MDGA2: variants seen among roughly 807,000 people sequenced by gnomAD.
MDGA2 encodes the protein MAM domain containing glycosylphosphatidylinositol anchor 2, also known as MAM domain-containing glycosylphosphatidylinositol anchor protein 2.
MDGA2 carries 40 observed loss-of-function variants against 117.8 expected under a neutral mutation model. The ratio of observed to expected loss-of-function variants is 0.34; its 90% confidence interval spans 0.26 to 0.44. The LOEUF (loss-of-function observed/expected upper bound fraction) is 0.44, where lower values mean the gene tolerates loss of function less well. Ranked by LOEUF, MDGA2 falls within the 20% of genes least tolerant of loss-of-function variation. The pLI, the probability that MDGA2 is intolerant of heterozygous loss-of-function variation, is 1.00. For synonymous variants in MDGA2, 452 were observed against 439.0 expected, an observed-to-expected ratio of 1.03 and a Z score of -0.37; for missense variants, 1,123 against 1,250.6, an observed-to-expected ratio of 0.90 and a Z score of 1.54.
At chr14:47,374,993 T>A (rs1416731554) in intron 1 of MDGA2, among the ~76,000 whole-genome samples, 1 of 152,074 alleles carries the variant, frequency 6.6e-6, no homozygotes, top group Non-Finnish European at 1.5e-5. Flanking sequence ...AGAGCTTTAA[T>A]TTTGAAGTCA....
At chr14:47,566,434 T>TAAAGCTAGAGTATCCCAGGGGAGC (rs1895920671) in intron 1 of MDGA2, among the ~76,000 whole-genome samples, 2 of 152,162 alleles carry the variant, frequency 1.3e-5, no homozygotes, top group African/African-American at 4.8e-5. Context: ...ACAGTTCACT[T>TAAAGCTAGAGTATCCCAGGGGAGC]AAAGCTAGAG....
rs149690656 is a variant in MDGA2 at position 47,142,850 on chromosome 14, G to A, written c.792+1228C>T. Among the ~76,000 whole-genome samples, 928 of 152,250 alleles carry A rather than the reference G, an allele frequency of 6.1e-3. 7 individuals are homozygous for A. The highest frequency in any genetic ancestry group is 0.01 in the Non-Finnish European group (704 of 68,018). ...TATGGTGAACTGACTAGTAATACAT[G>A]TGCGATGCTGATTTCCAGAGATTTA... On this transcript the variant is annotated intron_variant, in intron 4 of 16. Transcript: ENST00000399232.
At chr14:47,121,668 A>T (rs1294069321) in intron 5 of MDGA2, among the ~76,000 whole-genome samples, 1 of 152,058 alleles carries the variant, frequency 6.6e-6, no homozygotes, top group Non-Finnish European at 1.5e-5. Flanking sequence ...AGTTACTATA[A>T]ACATATGATT....
At chr14:46,860,441 T>A (rs1258127249) in intron 14 of MDGA2, among the ~76,000 whole-genome samples, 1 of 152,060 alleles carries the variant, frequency 6.6e-6, no homozygotes, top group Non-Finnish European at 1.5e-5. Context: ...GACTTTTTTT[T>A]ATAAGGCTGA....
chr14:47,444,606 G>A (rs1893083417), intron 1 of MDGA2: 1 of 152,120 alleles, frequency 6.6e-6, no homozygotes, highest in African/African-American at 2.4e-5. Flanking sequence ...GCCTGCTAAG[G>A]AGTAAAACTT....
chr14:46,937,330 G>C (rs1412048772), intron 9 of MDGA2, among the ~76,000 whole-genome samples: 1 of 145,782 alleles, frequency 6.9e-6, no homozygotes, highest in East Asian at 2.0e-4. Flanking sequence ...GAAGTGGAAA[G>C]ACATCCCATG....
At chr14:47,222,542 G>A (rs950141843) in intron 2 of MDGA2, among the ~76,000 whole-genome samples, 21 of 152,008 alleles carry the variant, frequency 1.4e-4, no homozygotes, top group African/African-American at 5.1e-4. Context: ...TCTTGATAGT[G>A]CAACTTTTTA....
intron 8 of MDGA2, chr14:46,996,915 A>G: frequency 8.1e-6 from 3 of 369,456 alleles, no homozygotes; most frequent in South Asian, 5.1e-5. Flanking sequence ...AGCAAGGGAG[A>G]GCACCTAGCA....
chr14:47,634,025 A>G (rs1897282579), intron 1 of MDGA2, among the ~76,000 whole-genome samples: 1 of 152,176 alleles, frequency 6.6e-6, no homozygotes, highest in African/African-American at 2.4e-5. Context: ...CAGTAAGTGG[A>G]TCCTTTAAGA....
Position 47,585,197 on chromosome 14 carries a change from T to C in MDGA2, c.280+89320A>G, listed in dbSNP as rs114364704. On this transcript the variant is annotated intron_variant, in intron 1 of 16. Coordinates refer to ENST00000399232, the MANE Select transcript of MDGA2 (RefSeq NM_001113498.3). ...AATGAAAATATATTGAGTGACTATT[T>C]GAAAGACAGTATAGAGGTCCTGTAG... Among the ~76,000 whole-genome samples the C allele has an allele frequency of 8.0e-3, 1,214 of 152,016 alleles. 17 individuals carry two copies. Among genetic ancestry groups the C allele is most frequent in the African/African-American group, 0.028 (1,176 of 41,508 alleles).
At chr14:47,446,930 C>G (rs1393519176) in intron 1 of MDGA2, among the ~76,000 whole-genome samples, 1 of 152,136 alleles carries the variant, frequency 6.6e-6, no homozygotes, top group African/African-American at 2.4e-5. Flanking sequence ...TATTCACATA[C>G]TATGAATGAA....
At chr14:47,420,701 C>A (rs1369069652) in intron 1 of MDGA2, among the ~76,000 whole-genome samples, 1 of 151,950 alleles carries the variant, frequency 6.6e-6, no homozygotes, top group Admixed American at 6.6e-5. Flanking sequence ...GTATTACAGA[C>A]CTTGACTGGT....
intron 6 of MDGA2, among the ~76,000 whole-genome samples, chr14:47,069,860 TA>T (rs2138831972): frequency 6.6e-6 from 1 of 152,356 alleles, no homozygotes; most frequent in East Asian, 1.9e-4. Context: ...ACTGAATGAC[TA>T]AATGAGAAAT....
chr14:47,516,662 G>A (rs1894757932), intron 1 of MDGA2, among the ~76,000 whole-genome samples: 1 of 152,198 alleles, frequency 6.6e-6, no homozygotes, highest in Admixed American at 6.5e-5. Flanking sequence ...CATGTGGGAA[G>A]CTGACCTGGA....
chr14:47,464,248 G>C (rs1468438588), intron 1 of MDGA2, among the ~76,000 whole-genome samples: 1 of 151,486 alleles, frequency 6.6e-6, no homozygotes, highest in East Asian at 1.9e-4. Context: ...ATAACACAAG[G>C]GATAGGAAAA....
At position 47,070,780 on chromosome 14, in the gene MDGA2, A is replaced by AT. The variant is rs1470152643; in HGVS notation, c.1196-9203dup. The stretch of plus-strand genomic sequence containing the variant: ...GCCATCAAGCCTAGCTAATTTTTGT[A>AT]TTTTTTTGGTAGAGACTGGGTTTCA... On this transcript the variant is annotated intron_variant, in intron 6 of 16. Coordinates refer to ENST00000399232, the MANE Select transcript of MDGA2 (RefSeq NM_001113498.3). 3.3e-5 allele frequency among the ~76,000 whole-genome samples: 5 copies of AT among 151,932 alleles called. No individual in the cohort carries two copies. In the South Asian group the frequency reaches 8.3e-4, roughly 25 times the overall value.
chr14:47,645,607 C>A (rs1430394499), intron 1 of MDGA2, among the ~76,000 whole-genome samples: 1 of 151,758 alleles, frequency 6.6e-6, no homozygotes, highest in African/African-American at 2.4e-5. Context: ...AAAAATAATT[C>A]TTATAATTAC....
At chr14:47,596,951 G>C (rs1157005340) in intron 1 of MDGA2, among the ~76,000 whole-genome samples, 3 of 152,146 alleles carry the variant, frequency 2.0e-5, no homozygotes, top group Non-Finnish European at 4.4e-5. Flanking sequence ...CATTCTGTAA[G>C]AGCCCTGCTC....
At chr14:47,231,896 A>G (rs1235040802) in intron 2 of MDGA2, among the ~76,000 whole-genome samples, 1 of 152,108 alleles carries the variant, frequency 6.6e-6, no homozygotes, top group Non-Finnish European at 1.5e-5. Flanking sequence ...GCTTCCAGAC[A>G]TATGTCTTGA....
Sources: gnomAD v4.1 joint callset for allele counts (sites outside exome capture counted in the v4.1 genomes callset) on GRCh38, gnomAD v4.1.1 for gene constraint, MANE v1.5 for transcripts, NCBI Gene and HGNC (gene_info 2026-07-23, HGNC 2026-07-21) for gene names.